The following CRB1 variants were observed in gnomAD, a reference collection of about 807,000 sequenced individuals.
The protein encoded by CRB1 is protein crumbs homolog 1.
In CRB1, 83 loss-of-function variants were observed where a neutral mutation model predicts 120.0. That is an observed-to-expected ratio of 0.69 (90% CI 0.58 to 0.83). CRB1 has a LOEUF of 0.83. Among genes scored for constraint, CRB1 ranks in the 40% least tolerant of loss-of-function variants. The pLI, the probability that CRB1 is intolerant of heterozygous loss-of-function variation, is 0.00. For synonymous variants in CRB1, 625 were observed against 612.5 expected (o/e 1.02, Z -0.30); for missense variants, 1,699 against 1,687.6 (o/e 1.01, Z -0.12).
intron 11 of CRB1, among the ~76,000 whole-genome samples, chr1:197,472,995 ATTG>A (rs1267147468): frequency 6.6e-6 from 1 of 152,152 alleles, no homozygotes; most frequent in Admixed American, 6.6e-5. Flanking sequence ...AGACGTGGGA[ATTG>A]TTGTCCCCAT....
intron 2 of CRB1, among the ~76,000 whole-genome samples, chr1:197,331,373 T>A (rs1764626): frequency 0.01 from 1,570 of 152,320 alleles, 30 homozygotes; most frequent in African/African-American, 0.036. Flanking sequence ...CTAAAATGCT[T>A]ATGTCAAATG....
chr1:197,350,288 A>G (rs745399040), intron 4 of CRB1, among the ~76,000 whole-genome samples: 4 of 152,118 alleles, frequency 2.6e-5, no homozygotes, highest in Non-Finnish European at 4.4e-5. Context: ...TTCATCTCTA[A>G]GTTCCTCATC....
chr1:197,222,605 AAG>A, the CRB1 span: 1 of 772,044 alleles, frequency 1.3e-6, no homozygotes, highest in East Asian at 2.4e-5. Flanking sequence ...CTAGTGAGGA[AAG>A]AGTGTATTTG....
the CRB1 span, chr1:197,223,283 G>C: frequency 5.9e-6 from 5 of 847,228 alleles, no homozygotes; most frequent in East Asian, 5.0e-5. Context: ...ATTAGAAAAG[G>C]GGTTTGGAAA....
intron 11 of CRB1, among the ~76,000 whole-genome samples, chr1:197,476,293 C>G (rs1371445075): frequency 6.6e-6 from 1 of 151,782 alleles, no homozygotes; most frequent in East Asian, 1.9e-4. Context: ...CAATCTTGCT[C>G]CACCTACTCC....
At chr1:197,250,642 G>T in the CRB1 span, among the ~76,000 whole-genome samples, 1 of 152,090 alleles carries the variant, frequency 6.6e-6, no homozygotes, top group South Asian at 2.1e-4. Context: ...TACAGCAAAG[G>T]AATATTTTCT....
intron 1 of CRB1, among the ~76,000 whole-genome samples, chr1:197,327,111 A>AC (rs1658552444): frequency 7.8e-6 from 1 of 128,948 alleles, no homozygotes; most frequent in Non-Finnish European, 1.7e-5. Context: ...AAAAAAAAAA[A>AC]AAAAAAAAAA....
In CRB1 at chr1:197,409,933, G is replaced by T. The variant is rs1384862482; in HGVS notation, c.1172-11067G>T. ...TCAGTAGCTGGGATTACAGGCGCCC[G>T]CCACCATGCCCGGCTACTTTTTTTG... On this transcript the variant is annotated intron_variant, in intron 5 of 11. Coordinates refer to ENST00000367400, the MANE Select transcript of CRB1 (RefSeq NM_201253.3). 2.0e-5 allele frequency among the ~76,000 whole-genome samples: 3 copies of T among 152,098 alleles called. No individual in the cohort carries two copies. In the East Asian group the frequency reaches 5.8e-4, roughly 29 times the overall value.
chr1:197,419,053 A>G (rs1664150557), intron 5 of CRB1, among the ~76,000 whole-genome samples: 1 of 152,202 alleles, frequency 6.6e-6, no homozygotes, highest in African/African-American at 2.4e-5. Flanking sequence ...TATACCAAAC[A>G]ATGTTATGAA....
At chr1:197,222,917 T>C in the CRB1 span, 1 of 1,091,358 alleles carries the variant, frequency 9.2e-7, no homozygotes. Flanking sequence ...TCATAGTTGC[T>C]TCTAAAATCC....
chr1:197,445,314 C>T (rs561144312), intron 11 of CRB1, among the ~76,000 whole-genome samples: 33 of 152,264 alleles, frequency 2.2e-4, no homozygotes, highest in African/African-American at 7.9e-4. Context: ...GGCCATGCCT[C>T]CTTTTTTGTG....
the CRB1 span, among the ~76,000 whole-genome samples, chr1:197,215,806 G>A: frequency 1.3e-5 from 2 of 152,012 alleles, no homozygotes; most frequent in African/African-American, 4.8e-5. Context: ...CCTCCTTCCC[G>A]AATAAAGGAC....
At chr1:197,414,218 GTCAA>G (rs1224819672) in intron 5 of CRB1, among the ~76,000 whole-genome samples, 2 of 151,912 alleles carry the variant, frequency 1.3e-5, no homozygotes, top group East Asian at 3.9e-4. Context: ...AAAATCCTAA[GTCAA>G]TCAAAACAGA....
chr1:197,217,082 A>G, the CRB1 span, among the ~76,000 whole-genome samples: 5 of 152,266 alleles, frequency 3.3e-5, no homozygotes, highest in African/African-American at 1.2e-4. Context: ...TCGAATTGAA[A>G]TAGATATTTT....
chr1:197,421,604 C>A lies in CRB1; in HGVS notation c.1776C>A (p.Ile592=), dbSNP rs753491387. The change falls in exon 6 of 12, where the codon ATC becomes ATA. Residue 592 remains isoleucine (I), a synonymous_variant. Transcript: ENST00000367400. ...ACGACTCCTGTAAGGAGAAATGCAT[C>A]GCGAAAGCTCCTACTCCACTTGAAA... The part of the protein sequence containing the change: ...LIDDSCKEKC[I]AKAPTPLESD... The A allele has an allele frequency of 6.2e-7, 1 of 1,614,152 alleles. No homozygotes were observed. The highest frequency in any genetic ancestry group is 8.5e-7 in the Non-Finnish European group (1 of 1,180,022).
intron 10 of CRB1, chr1:197,438,888 G>C (rs1041235569): frequency 2.1e-6 from 1 of 480,030 alleles, no homozygotes; most frequent in East Asian, 4.0e-5. Context: ...ACTTCAAATA[G>C]GGAAAAATGA....
chr1:197,223,369 C>CA, the CRB1 span: 1 of 506,686 alleles, frequency 2.0e-6, no homozygotes. Context: ...TAAAACCTCA[C>CA]ATTTCTTCTC....
intron 11 of CRB1, among the ~76,000 whole-genome samples, chr1:197,455,420 C>T (rs984034365): frequency 1.3e-5 from 2 of 152,206 alleles, no homozygotes; most frequent in African/African-American, 2.4e-5. Context: ...TCAACCAAAC[C>T]GAAAACTGCC....
At chr1:197,319,018 T>C (rs142467106) in intron 1 of CRB1, among the ~76,000 whole-genome samples, 45 of 152,032 alleles carry the variant, frequency 3.0e-4, no homozygotes, top group African/African-American at 1.1e-3. Flanking sequence ...TTATCAGAAA[T>C]TGACTTTTTA....
Sources: allele counts gnomAD v4.1 joint callset (sites outside exome capture counted in the v4.1 genomes callset), GRCh38; gene constraint gnomAD v4.1.1; transcripts MANE v1.5; gene names NCBI Gene and HGNC (gene_info 2026-07-23, HGNC 2026-07-21).